Variants in ASTN1 observed in about 807,000 individuals in gnomAD.
The protein encoded by ASTN1 is astrotactin 1, also known as astrotactin-1.
A neutral mutation model predicts 140.7 loss-of-function variants in ASTN1; 41 were observed. The observed-to-expected ratio is 0.29, with a 90% CI of 0.23 to 0.38. The LOEUF (loss-of-function observed/expected upper bound fraction) is 0.38. Among genes scored for constraint, ASTN1 ranks in the 10% least tolerant of loss-of-function variants. The pLI is 1.00. For missense variants in ASTN1, 1,479 were observed against 1,678.8 expected (o/e 0.88, Z 2.08); for synonymous variants, 640 against 652.2 (o/e 0.98, Z 0.29).
At chr1:176,869,104 T>A in intron 21 of ASTN1, 77 bp from the exon 22 acceptor site, 1 of 1,046,812 alleles carries the variant, frequency 9.6e-7, no homozygotes, top group Non-Finnish European at 1.3e-6. Context: ...TTATATATGA[T>A]CTATATCATA....
intron 8 of ASTN1, among the ~76,000 whole-genome samples, chr1:176,996,054 A>AGGTTT (rs1401946941): frequency 2.0e-5 from 3 of 152,192 alleles, no homozygotes; most frequent in Admixed American, 6.5e-5. Flanking sequence ...AGGTTAGGTT[A>AGGTTT]GTCTGGTCCT....
chr1:176,869,107 A>G, intron 21 of ASTN1, 80 bp from the exon 22 acceptor site: 1 of 1,028,602 alleles, frequency 9.7e-7, no homozygotes, highest in Non-Finnish European at 1.3e-6. Context: ...TATATGATCT[A>G]TATCATATAG....
Position 177,002,409 on chromosome 1 carries a change from A to G in ASTN1, c.1523+12382T>C, listed in dbSNP as rs992451073. Among the ~76,000 whole-genome samples the G allele has an allele frequency of 1.4e-4, 18 of 129,100 alleles. No homozygotes were observed. In the East Asian group the frequency reaches 5.2e-3, roughly 38 times the overall value. 84.7% of individuals were successfully genotyped at this position (129,100 alleles called of 152,430 possible). ...CACACACACACACACACACACACAC[A>G]CACACACATGAACAAATCAAGAGAC... On this transcript the variant is annotated intron_variant, in intron 8 of 22. Coordinates refer to ENST00000361833, the MANE Select transcript of ASTN1 (RefSeq NM_004319.3).
In ASTN1 at chr1:176,863,632, TAAGG is replaced by T. The variant is rs1351834132; in HGVS notation, c.*648_*651del. ...ATTTAATCCCAGTCCTGGCTTAAAA[TAAGG>T]AAGGATCTCAAAACCCAAGTGGCCC... On this transcript the variant is annotated 3_prime_UTR_variant, in exon 23 of 23. Transcript: ENST00000361833. 5 of 985,404 alleles carry T rather than the reference TAAGG, an allele frequency of 5.1e-6. No homozygotes were observed. The highest frequency in any genetic ancestry group is 6.0e-6 in the Non-Finnish European group (5 of 830,050). The allele number at this position is 985,404 out of a possible 1,614,324, so 61.0% of individuals were successfully genotyped here. A position where few individuals can be genotyped will look rare whatever the true frequency, so the allele number is the denominator to read the frequency against.
intron 20 of ASTN1, among the ~76,000 whole-genome samples, chr1:176,879,984 C>T (rs946438698): frequency 6.6e-6 from 1 of 152,166 alleles, no homozygotes; most frequent in Non-Finnish European, 1.5e-5. Context: ...CTCGGCTTAC[C>T]GTTAGCGTTA....
At chr1:177,024,885 AC>A (rs1367933600) in intron 5 of ASTN1, among the ~76,000 whole-genome samples, 153 bp from the exon 6 acceptor site, 3,001 of 152,240 alleles carry the variant, frequency 0.02, 92 homozygotes, top group African/African-American at 0.068. Flanking sequence ...GACCTCAGTG[AC>A]CTTCTTCCTC....
chr1:176,904,452 C>G (rs61813266), intron 16 of ASTN1, among the ~76,000 whole-genome samples: 9,091 of 152,162 alleles, frequency 0.06, 353 homozygotes, highest in Non-Finnish European at 0.087. Flanking sequence ...TCGCCACAGA[C>G]AGAGCAGCAT....
intron 12 of ASTN1, among the ~76,000 whole-genome samples, chr1:176,948,933 C>T (rs2103115506): frequency 6.6e-6 from 1 of 152,260 alleles, no homozygotes; most frequent in East Asian, 1.9e-4. Context: ...GTTAACTTCC[C>T]CTTGCAGGTA....
At chr1:176,876,900 G>A (rs924259732) in intron 20 of ASTN1, among the ~76,000 whole-genome samples, 1 of 152,134 alleles carries the variant, frequency 6.6e-6, no homozygotes, top group Non-Finnish European at 1.5e-5. Context: ...TCAGGCACCG[G>A]TTCTCAAAGT....
chr1:176,935,372 G>A (rs1351308621), intron 15 of ASTN1, among the ~76,000 whole-genome samples: 7 of 152,272 alleles, frequency 4.6e-5, no homozygotes, highest in South Asian at 2.1e-4. Flanking sequence ...CTCTAATATC[G>A]TATTTTCCTA....
intron 5 of ASTN1, among the ~76,000 whole-genome samples, chr1:177,026,799 T>G (rs1676138232): frequency 6.6e-6 from 1 of 152,146 alleles, no homozygotes; most frequent in Non-Finnish European, 1.5e-5. Context: ...CATCCCTCCC[T>G]ACCCATATCA....
intron 17 of ASTN1, among the ~76,000 whole-genome samples, 175 bp from the exon 18 acceptor site, chr1:176,888,379 C>A (rs923911131): frequency 2.6e-5 from 4 of 152,098 alleles, no homozygotes; most frequent in African/African-American, 9.7e-5. Flanking sequence ...TCTGGGAAGC[C>A]TGAGCCTCTT....
At chr1:176,876,765 G>C in intron 20 of ASTN1, 128 bp from the exon 21 acceptor site, 2 of 859,580 alleles carry the variant, frequency 2.3e-6, no homozygotes, top group South Asian at 3.4e-5. Flanking sequence ...TCGTCATCCT[G>C]GGTCACGTTT....
chr1:177,114,548 C>T (rs908316847), intron 1 of ASTN1, among the ~76,000 whole-genome samples: 2 of 152,180 alleles, frequency 1.3e-5, no homozygotes, highest in African/African-American at 4.8e-5. Flanking sequence ...CCAATGGAAA[C>T]ATGGCAAAAC....
chr1:177,050,046 T>G (rs1677461245), intron 2 of ASTN1, among the ~76,000 whole-genome samples: 1 of 152,186 alleles, frequency 6.6e-6, no homozygotes, highest in Non-Finnish European at 1.5e-5. Context: ...CTCTTCTAAG[T>G]TGGTTATGTG....
intron 1 of ASTN1, among the ~76,000 whole-genome samples, chr1:177,100,761 T>A (rs2102128988): frequency 6.6e-6 from 1 of 152,296 alleles, no homozygotes; most frequent in African/African-American, 2.4e-5. Context: ...TTCAGGATCC[T>A]TTCACAATAT....
At position 176,864,371 on chromosome 1, in the gene ASTN1, C is replaced by T. The variant is rs202098468; in HGVS notation, c.3798G>A (p.Ala1266=). The part of the protein sequence containing the change: ...SEIKPYGLDW[A]ELSRDLRKTC... ...TCTTCCTGAGGTCCCGGCTGAGCTC[C>T]GCCCAGTCAAGTCCGTAGGGTTTGA... is the stretch of plus-strand genomic sequence containing the variant. Residue 1266 remains alanine (A), a synonymous_variant, in exon 23 of 23, where the codon GCG becomes GCA. Transcript: ENST00000361833. The T allele has an allele frequency of 1.8e-5, 29 of 1,614,060 alleles. No homozygotes were observed. Among genetic ancestry groups the T allele is most frequent in the Middle Eastern group, 1.7e-4 (1 of 6,058 alleles).
At chr1:177,045,740 T>C (rs1449860127) in intron 2 of ASTN1, among the ~76,000 whole-genome samples, 3 of 152,060 alleles carry the variant, frequency 2.0e-5, no homozygotes, top group Non-Finnish European at 2.9e-5. Flanking sequence ...CAGTGACAGA[T>C]TTTTTTTCTA....
intron 8 of ASTN1, among the ~76,000 whole-genome samples, chr1:176,995,773 G>T (rs1674410161): frequency 6.6e-6 from 1 of 152,196 alleles, no homozygotes; most frequent in African/African-American, 2.4e-5. Context: ...TTGGTGGCTA[G>T]AGAGGAAGGA....
Sources: allele counts gnomAD v4.1 joint callset (sites outside exome capture counted in the v4.1 genomes callset), GRCh38; gene constraint gnomAD v4.1.1; transcripts MANE v1.5; gene names NCBI Gene and HGNC (gene_info 2026-07-23, HGNC 2026-07-21).